The following PFDN1 variants were observed in gnomAD, a reference collection of about 807,000 sequenced individuals.
PFDN1 encodes the protein prefoldin 1.
A neutral mutation model predicts 17.3 loss-of-function variants in PFDN1; 6 were observed. The ratio of observed to expected loss-of-function variants is 0.35; its 90% confidence interval spans 0.19 to 0.69. PFDN1 has a LOEUF of 0.69. PFDN1 is among the 30% of genes least tolerant of loss of function. PFDN1 has a pLI of 0.65. For missense variants in PFDN1, 113 were observed against 146.2 expected (o/e 0.77, Z 1.17); for synonymous variants, 58 against 50.1 (o/e 1.16, Z -0.67).
rs140583428 is a variant in PFDN1, at chr5:140,254,784, C to T, written c.286-8727G>A. Among the ~76,000 whole-genome samples the T allele has an allele frequency of 2.6e-5, 4 of 152,338 alleles. No homozygotes were observed. The highest frequency in any genetic ancestry group is 1.3e-4 in the Admixed American group (2 of 15,304). The stretch of plus-strand genomic sequence containing the variant: ...CTCCAGCATTTCTTCAACCTCGTCA[C>T]GCAACAACTTGTTCATTTTCCATTA... On this transcript the variant is annotated intron_variant, in intron 3 of 3. Coordinates refer to ENST00000261813, the MANE Select transcript of PFDN1 (RefSeq NM_002622.5). The surrounding 1 kb of genome is among the most constrained non-coding windows in gnomAD (Gnocchi z 4.4).
At chr5:140,256,936 T>G (rs1271721078) in intron 3 of PFDN1, among the ~76,000 whole-genome samples, 1 of 152,058 alleles carries the variant, frequency 6.6e-6, no homozygotes, top group Admixed American at 6.6e-5. Context: ...AAACCTCTAA[T>G]GGGCCAGGCG....
chr5:140,291,097 C>T (rs1362345744), intron 2 of PFDN1, among the ~76,000 whole-genome samples: 2 of 152,100 alleles, frequency 1.3e-5, no homozygotes, highest in Non-Finnish European at 2.9e-5. Flanking sequence ...CTGGCAAGTG[C>T]AAAAGACTTT....
intron 3 of PFDN1, among the ~76,000 whole-genome samples, chr5:140,266,525 CTT>C (rs912543439): frequency 1.5e-4 from 23 of 152,164 alleles, no homozygotes. Context: ...AAAAACAATC[CTT>C]TTTTACCTGT....
intron 2 of PFDN1, among the ~76,000 whole-genome samples, chr5:140,286,149 ACCTGCAATC>A (rs1581095570): frequency 6.6e-6 from 1 of 152,018 alleles, no homozygotes; most frequent in East Asian, 1.9e-4. Flanking sequence ...GGTGGTTCAC[ACCTGCAATC>A]CCTGCACTTT....
intron 3 of PFDN1, among the ~76,000 whole-genome samples, chr5:140,272,445 C>T (rs1765220533): frequency 6.6e-6 from 1 of 151,198 alleles, no homozygotes; most frequent in East Asian, 1.9e-4. Flanking sequence ...ACTGCAACCT[C>T]CACCTCCCGG....
chr5:140,263,351 A>C (rs1381495800), intron 3 of PFDN1, among the ~76,000 whole-genome samples: 2 of 152,194 alleles, frequency 1.3e-5, no homozygotes, highest in Non-Finnish European at 2.9e-5. Context: ...AATCTGGATC[A>C]ATATTAAAAA....
intron 2 of PFDN1, among the ~76,000 whole-genome samples, chr5:140,283,491 C>CCAAA (rs1366906178): frequency 2.6e-5 from 4 of 152,186 alleles, no homozygotes; most frequent in Non-Finnish European, 5.9e-5. Context: ...CCTCGGCCTC[C>CCAAA]CAAAGTGCTG....
chr5:140,272,165 G>T (rs1417424850), intron 3 of PFDN1, among the ~76,000 whole-genome samples: 1 of 151,328 alleles, frequency 6.6e-6, no homozygotes, highest in Non-Finnish European at 1.5e-5. Flanking sequence ...GGCTACAGAC[G>T]CGTGCCACCA....
chr5:140,296,234 T>C (rs914839236), intron 2 of PFDN1, among the ~76,000 whole-genome samples: 5 of 152,062 alleles, frequency 3.3e-5, no homozygotes, highest in Admixed American at 2.6e-4. Flanking sequence ...TCTAAAATAC[T>C]TTTTTTTCTA....
At chr5:140,259,026 A>C (rs1765026813) in intron 3 of PFDN1, among the ~76,000 whole-genome samples, 2 of 152,248 alleles carry the variant, frequency 1.3e-5, no homozygotes, top group African/African-American at 4.8e-5. Flanking sequence ...AGCAGGAACC[A>C]GTAAATAAAA....
At chr5:140,250,822 C>T (rs932440735) in intron 3 of PFDN1, among the ~76,000 whole-genome samples, 9 of 152,192 alleles carry the variant, frequency 5.9e-5, no homozygotes, top group Non-Finnish European at 1.2e-4. Context: ...CCCTCTCACC[C>T]CCTGCCCCTG....
In PFDN1 at chr5:140,300,468, C is replaced by T; in HGVS notation, c.148G>A (p.Glu50Lys). 6 of 1,611,498 alleles carry T rather than the reference C, an allele frequency of 3.7e-6. No individual in the cohort carries two copies. Among genetic ancestry groups the T allele is most frequent in the Non-Finnish European group, 5.1e-6 (6 of 1,177,708 alleles). ...GTCTCATCTACCAAAGTCATGATCT[C>T]TGTATCTGTAAGATGTGCATGCTTT... ...TKKHAHLTDT[E>K]IMTLVDETNM... Residue 50 changes from glutamate to lysine, a missense_variant, in exon 2 of 4, where the codon GAG becomes AAG. Coordinates refer to ENST00000261813, the MANE Select transcript of PFDN1 (RefSeq NM_002622.5).
intron 3 of PFDN1, among the ~76,000 whole-genome samples, chr5:140,278,584 AAAAC>A (rs1300079454): frequency 1.6e-4 from 22 of 135,772 alleles, no homozygotes; most frequent in South Asian, 2.6e-4. Context: ...AAAAAAAAAA[AAAAC>A]AAAAAACAAA....
chr5:140,290,673 T>C (rs1457170616), intron 2 of PFDN1, among the ~76,000 whole-genome samples: 1 of 152,194 alleles, frequency 6.6e-6, no homozygotes, highest in Non-Finnish European at 1.5e-5. Context: ...AGGAGAGGAT[T>C]CAGTTGAAAG....
intron 3 of PFDN1, among the ~76,000 whole-genome samples, chr5:140,269,967 G>A (rs183074743): frequency 6.6e-6 from 1 of 152,292 alleles, no homozygotes; most frequent in East Asian, 1.9e-4. Context: ...TGGCTGAAAT[G>A]TCAACCTTTC....
Position 140,281,496 on chromosome 5 carries a change from G to A in PFDN1, c.238C>T (p.Leu80=). The change falls in exon 3 of 4, where the codon CTG becomes TTG. Residue 80 remains leucine (L), a synonymous_variant. Coordinates refer to ENST00000261813, the MANE Select transcript of PFDN1 (RefSeq NM_002622.5). ...TCTGCTATTTTCTGCTTCTCTAACA[G>A]CTGACTGTGAATTGCTTCCTTGGAC... The part of the protein sequence containing the change: ...LQSKEAIHSQ[L]LEKQKIAEEK... 1 of 1,596,336 alleles carries A rather than the reference G, an allele frequency of 6.3e-7. No individual in the cohort carries two copies. The highest frequency in any genetic ancestry group is 8.6e-7 in the Non-Finnish European group (1 of 1,164,668).
intron 3 of PFDN1, among the ~76,000 whole-genome samples, chr5:140,280,451 CTTGTT>C (rs1275888444): frequency 2.0e-5 from 3 of 152,046 alleles, no homozygotes; most frequent in African/African-American, 7.2e-5. Context: ...GCTTTTTTGT[CTTGTT>C]TTTACAATAC....
chr5:140,299,822 G>A (rs1321739169), intron 2 of PFDN1, among the ~76,000 whole-genome samples: 1 of 151,708 alleles, frequency 6.6e-6, no homozygotes, highest in East Asian at 2.0e-4. Context: ...GACCATCCTG[G>A]CAAATATGGT....
chr5:140,260,904 G>A (rs1441008592), intron 3 of PFDN1, among the ~76,000 whole-genome samples: 1 of 152,160 alleles, frequency 6.6e-6, no homozygotes, highest in East Asian at 1.9e-4. Flanking sequence ...GCTCATGCCT[G>A]TAATTCCAGC....
Sources: allele counts gnomAD v4.1 joint callset (sites outside exome capture counted in the v4.1 genomes callset), GRCh38; gene constraint gnomAD v4.1.1; non-coding constraint Gnocchi (gnomAD v3.1); transcripts MANE v1.5; gene names NCBI Gene and HGNC (gene_info 2026-07-23, HGNC 2026-07-21).